The following MACC1 variants were observed in gnomAD, a reference collection of about 807,000 sequenced individuals.
MACC1 encodes the protein MET transcriptional regulator MACC1.
MACC1 carries 79 observed loss-of-function variants against 70.7 expected under a neutral mutation model. The observed-to-expected ratio is 1.12, with a 90% CI of 0.93 to 1.35. The LOEUF is 1.35. Among genes scored for constraint, MACC1 ranks in the 40% most tolerant of loss-of-function variants. MACC1 has a pLI of 0.00. For missense variants in MACC1, 1,106 were observed against 978.1 expected, an observed-to-expected ratio of 1.13 and a Z score of -1.74; for synonymous variants, 361 against 347.2, an observed-to-expected ratio of 1.04 and a Z score of -0.44.
intron 1 of MACC1, among the ~76,000 whole-genome samples, chr7:20,193,891 C>T (rs982867082): frequency 6.6e-6 from 1 of 151,996 alleles, no homozygotes; most frequent in Admixed American, 6.6e-5. Flanking sequence ...TTTATTCCCC[C>T]GCCCCCACAC....
At chr7:20,186,097 A>G (rs143394392) in intron 1 of MACC1, among the ~76,000 whole-genome samples, 16 of 152,338 alleles carry the variant, frequency 1.1e-4, no homozygotes, top group Non-Finnish European at 2.1e-4. Flanking sequence ...GGACAGAGCT[A>G]CTATTACATT....
chr7:20,205,692 T>TTG (rs1782901219), intron 1 of MACC1, among the ~76,000 whole-genome samples: 1 of 152,188 alleles, frequency 6.6e-6, no homozygotes, highest in Admixed American at 6.5e-5. Flanking sequence ...CTCAAGGGTT[T>TTG]TTTGTTTGTT....
At chr7:20,201,503 G>C (rs1398857427) in intron 1 of MACC1, among the ~76,000 whole-genome samples, 1 of 152,186 alleles carries the variant, frequency 6.6e-6, no homozygotes, top group East Asian at 1.9e-4. Context: ...GAAGGATGCA[G>C]AGAAAGGCAG....
At chr7:20,174,041 A>G (rs10232553) in intron 1 of MACC1, among the ~76,000 whole-genome samples, 13,938 of 152,284 alleles carry the variant, frequency 0.092, 823 homozygotes, top group Middle Eastern at 0.16. Context: ...ACAGACAACA[A>G]CATTCAGCAC....
At position 20,159,610 on chromosome 7, in the gene MACC1, G is replaced by A; in HGVS notation, c.751C>T (p.Leu251=). ...VAVGEFQEVS[L]RAFLDPPHML... ...TGTGGCGGATCAAGGAAAGCCCTTA[G>A]AGACACCTCTTGGAATTCTCCCACA... is the stretch of plus-strand genomic sequence containing the variant. Residue 251 remains leucine, a synonymous_variant, in exon 5 of 7, where the codon CTA becomes TTA. Transcript: ENST00000400331. 6.2e-7 allele frequency: 1 copy of A among 1,614,180 alleles called. No individual in the cohort carries two copies. The highest frequency in any genetic ancestry group is 2.2e-5 in the East Asian group (1 of 44,886).
chr7:20,185,105 T>C (rs1233440393), intron 1 of MACC1: 1 of 152,160 alleles, frequency 6.6e-6, no homozygotes, highest in Non-Finnish European at 1.5e-5. Context: ...GAATAAATAA[T>C]ATCAGTTCTC....
At position 20,159,793 on chromosome 7, in the gene MACC1, G is replaced by T; in HGVS notation, c.568C>A (p.Arg190Ser). ...MAWLSQRQLARSCLDLNTISQ... is the reference protein window; with the variant it reads ...MAWLSQRQLASSCLDLNTISQ... Reference sequence around the variant, plus strand: ...ATTGTATTCAAATCAAGGCAGGAGCGGGCCAGCTGGCGTTGACTTAACCAA... The same window carrying T: ...ATTGTATTCAAATCAAGGCAGGAGCTGGCCAGCTGGCGTTGACTTAACCAA... Residue 190 changes from arginine (R) to serine (S), a missense_variant, in exon 5 of 7, where the codon CGC becomes AGC. Coordinates refer to ENST00000400331, the MANE Select transcript of MACC1 (RefSeq NM_182762.4). The T allele has an allele frequency of 6.2e-7, 1 of 1,613,796 alleles. No individual in the cohort carries two copies. Among genetic ancestry groups the T allele is most frequent in the Non-Finnish European group, 8.5e-7 (1 of 1,180,026 alleles).
intron 6 of MACC1, among the ~76,000 whole-genome samples, chr7:20,142,425 G>C (rs946163884): frequency 1.3e-5 from 2 of 152,122 alleles, no homozygotes; most frequent in Non-Finnish European, 2.9e-5. Context: ...AATTTTGCAA[G>C]GTAGAGAATA....
At chr7:20,161,100 G>C (rs184389117) in intron 4 of MACC1, among the ~76,000 whole-genome samples, 89 of 152,062 alleles carry the variant, frequency 5.9e-4, no homozygotes, top group Non-Finnish European at 1.1e-3. Flanking sequence ...TTTTTTGTTT[G>C]TGTAGAGCAA....
intron 1 of MACC1, among the ~76,000 whole-genome samples, chr7:20,204,191 G>C (rs1241308585): frequency 6.6e-6 from 1 of 152,044 alleles, no homozygotes; most frequent in Admixed American, 6.5e-5. Flanking sequence ...GTCTTGCTCT[G>C]TTGCACAGGC....
rs772879818 is a variant in MACC1, at chr7:20,158,868, G to A, written c.1493C>T (p.Ala498Val). The A allele has an allele frequency of 1.2e-6, 2 of 1,614,090 alleles. No individual in the cohort carries two copies. The highest frequency in any genetic ancestry group is 1.1e-5 in the South Asian group (1 of 91,076). Residue 498 changes from alanine to valine, a missense_variant, in exon 5 of 7, where the codon GCA (alanine) becomes GTA (valine). Coordinates refer to ENST00000400331, the MANE Select transcript of MACC1 (RefSeq NM_182762.4). Reference protein sequence around the residue: ...QVEPPNGEPVAQFSITTPDPT... With the variant: ...QVEPPNGEPVVQFSITTPDPT... ...ATCAGGAGTAGTGATAGAGAACTGT[G>A]CAACTGGTTCACCATTGGGAGGCTC... is the stretch of plus-strand genomic sequence containing the variant.
rs1782116076 is a variant in MACC1 at position 20,159,851 on chromosome 7, C to G, written c.510G>C (p.Trp170Cys). The stretch of plus-strand genomic sequence containing the variant: ...TATAAGCCTCCCGATCATTTTTAAG[C>G]CACTCTAAGTCGTGTAGTAGGATCT... ...SDQILLHDLE[W>C]LKNDREAYKM... The change falls in exon 5 of 7, where the codon TGG (tryptophan) becomes TGC (cysteine). Residue 170 changes from tryptophan (W) to cysteine (C), a missense_variant. Trp to Cys is a radical substitution (Grantham distance 215). Coordinates refer to ENST00000400331, the MANE Select transcript of MACC1 (RefSeq NM_182762.4). The G allele has an allele frequency of 6.2e-7, 1 of 1,614,124 alleles. No homozygotes were observed. Among genetic ancestry groups the G allele is most frequent in the Non-Finnish European group, 8.5e-7 (1 of 1,180,032 alleles).
chr7:20,199,721 CAA>C (rs1359647443), intron 1 of MACC1, among the ~76,000 whole-genome samples: 3 of 152,140 alleles, frequency 2.0e-5, no homozygotes, highest in Non-Finnish European at 4.4e-5. Flanking sequence ...AGAGGTGAGT[CAA>C]AGAGTACAGA....
chr7:20,149,379 T>C (rs1464317339), intron 6 of MACC1, among the ~76,000 whole-genome samples: 1 of 152,226 alleles, frequency 6.6e-6, no homozygotes, highest in South Asian at 2.1e-4. Flanking sequence ...ATAAATAATA[T>C]GTATTTAGTG....
chr7:20,159,381 T>C lies in MACC1; in HGVS notation c.980A>G (p.Tyr327Cys), dbSNP rs747760774. Residue 327 changes from tyrosine (Y) to cysteine (C), a missense_variant, in exon 5 of 7, where the codon TAC becomes TGC. Tyr to Cys is a radical substitution (Grantham distance 194, BLOSUM62 -2). Transcript: ENST00000400331. ...GACTTGGATGGTGTCTTTATAAATG[T>C]AGCAGTTGCTTAAAACTTTAAAAGG... ...EGPFKVLSNCYIYKDTIQVKL... is the reference protein window; with the variant it reads ...EGPFKVLSNCCIYKDTIQVKL... 1.0e-4 allele frequency: 161 copies of C among 1,613,962 alleles called. No homozygotes were observed. The highest frequency in any genetic ancestry group is 1.3e-4 in the Non-Finnish European group (151 of 1,180,026).
chr7:20,201,803 T>G (rs1782837781), intron 1 of MACC1, among the ~76,000 whole-genome samples: 1 of 152,148 alleles, frequency 6.6e-6, no homozygotes, highest in South Asian at 2.1e-4. Flanking sequence ...GTTTTGCACT[T>G]AAGACCACCT....
rs997239087 is a variant in MACC1 at position 20,140,364 on chromosome 7, C to T, written c.*582G>A. The T allele has an allele frequency of 6.6e-6, 1 of 152,184 alleles. No individual in the cohort carries two copies. The highest frequency in any genetic ancestry group is 2.4e-5 in the African/African-American group (1 of 41,438). 9.4% of individuals were successfully genotyped at this position (152,184 alleles called of 1,614,324 possible). A position where few individuals can be genotyped will look rare whatever the true frequency, so the allele number is the denominator to read the frequency against. On this transcript the variant is annotated 3_prime_UTR_variant, in exon 7 of 7. Transcript: ENST00000400331. ...AGACGTTCTCTCCACTTCTGAGTTT[C>T]TCCCCATGAAAAATGGGGGTGATGC...
At position 20,157,696 on chromosome 7, in the gene MACC1, G is replaced by A. The variant is rs543412318; in HGVS notation, c.2157+508C>T. 2.1e-4 allele frequency among the ~76,000 whole-genome samples: 32 copies of A among 149,854 alleles called. 1 individual carries two copies. The highest frequency in any genetic ancestry group is 7.4e-4 in the African/African-American group (30 of 40,806). ...GTTACTTGGGCAGCTGAGCCCTGGAGGTTGAAACTGCAGTGAGCTGTGATC... is the reference window on the plus strand; with the variant it reads ...GTTACTTGGGCAGCTGAGCCCTGGAAGTTGAAACTGCAGTGAGCTGTGATC... On this transcript the variant is annotated intron_variant, in intron 5 of 6. Coordinates refer to ENST00000400331, the MANE Select transcript of MACC1 (RefSeq NM_182762.4).
chr7:20,184,467 T>C (rs1195886945), intron 1 of MACC1, among the ~76,000 whole-genome samples: 1 of 152,208 alleles, frequency 6.6e-6, no homozygotes, highest in Non-Finnish European at 1.5e-5. Flanking sequence ...AACTCCTTTT[T>C]TCTTTCTCAT....
Sources: allele counts gnomAD v4.1 joint callset (sites outside exome capture counted in the v4.1 genomes callset), GRCh38; gene constraint gnomAD v4.1.1; transcripts MANE v1.5; gene names NCBI Gene and HGNC (gene_info 2026-07-23, HGNC 2026-07-21).